The following EPS8 variants were observed in gnomAD, a reference collection of about 807,000 sequenced individuals.
EPS8 encodes epidermal growth factor receptor kinase substrate 8.
Under a neutral mutation model 103.8 loss-of-function variants are expected in EPS8, and 42 were observed. The ratio of observed to expected loss-of-function variants is 0.40; its 90% CI spans 0.32 to 0.52. The LOEUF is 0.52. Among genes scored for constraint, EPS8 ranks in the 20% least tolerant of loss-of-function variants. The pLI, the probability that EPS8 is intolerant of heterozygous loss-of-function variation, is 0.40. For synonymous variants in EPS8, 344 were observed against 344.6 expected, an observed-to-expected ratio of 1.00 and a Z score of 0.02; for missense variants, 969 against 1,005.1, an observed-to-expected ratio of 0.96 and a Z score of 0.49.
In EPS8 at chr12:15,733,583, A is replaced by G. The variant is rs765619716; in HGVS notation, c.-21-50611T>C. Among the ~76,000 whole-genome samples, 102 of 152,170 alleles carry G rather than the reference A, an allele frequency of 6.7e-4. 1 individual carries two copies. Among genetic ancestry groups the G allele is most frequent in the Admixed American group, 5.8e-3 (88 of 15,284 alleles). On this transcript the variant is annotated intron_variant, in intron 1 of 20. Transcript: ENST00000281172. This position sits in a 1 kb window ranked among gnomAD's most constrained non-coding sequence, Gnocchi z 4.8. ...AAAGAATAAAAGGACATGTGAAAAC[A>G]CCTCAGCCCAGAGATAAGAGGACCA...
rs866371476 is a variant in EPS8 at position 15,781,862 on chromosome 12, T to C, written c.-22+7299A>G. The C allele has an allele frequency of 6.6e-6, 1 of 152,224 alleles. No homozygotes were observed. Among genetic ancestry groups the C allele is most frequent in the South Asian group, 2.1e-4 (1 of 4,828 alleles). 9.4% of individuals were successfully genotyped at this position (152,224 alleles called of 1,614,324 possible). On this transcript the variant is annotated intron_variant, in intron 1 of 20. Coordinates refer to ENST00000281172, the MANE Select transcript of EPS8 (RefSeq NM_004447.6). This position sits in a 1 kb window ranked among gnomAD's most constrained non-coding sequence, Gnocchi z 4.1. ...CACAGGGCAAGGGGGCTGAGTGTGC[T>C]CATGTGCTCACTCAAGTCTCTCTTC...
intron 1 of EPS8, among the ~76,000 whole-genome samples, chr12:15,768,429 C>CAAAAAAA (rs71042268): frequency 4.0e-5 from 1 of 24,836 alleles, no homozygotes; most frequent in Non-Finnish European, 7.1e-5. Context: ...GACTCCATCT[C>CAAAAAAA]AAAAAAAAAA....
rs1004136657 is a variant in EPS8, at chr12:15,688,958, C to T, written c.-21-5986G>A. On this transcript the variant is annotated intron_variant, in intron 1 of 20. Coordinates refer to ENST00000281172, the MANE Select transcript of EPS8 (RefSeq NM_004447.6). The surrounding 1 kb of genome is among the most constrained non-coding windows in gnomAD (Gnocchi z 5.1). ...AGACACTGCTGTGGGATTGGAACCT[C>T]ACAGCCTGCCAGTCTGCATGCTCCC... 6.6e-6 allele frequency among the ~76,000 whole-genome samples: 1 copy of T among 152,182 alleles called. No homozygotes were observed. The highest frequency in any genetic ancestry group is 1.5e-5 in the Non-Finnish European group (1 of 68,034).
chr12:15,734,921 A>G lies in EPS8; in HGVS notation c.-21-51949T>C, dbSNP rs1169493521. ...CAGGGCCAACTGCCATATCATTTCC[A>G]TTTTAAAAATAAGCAAACTGACACA... On this transcript the variant is annotated intron_variant, in intron 1 of 20. Coordinates refer to ENST00000281172, the MANE Select transcript of EPS8 (RefSeq NM_004447.6). This position sits in a 1 kb window ranked among gnomAD's most constrained non-coding sequence, Gnocchi z 4.1. Among the ~76,000 whole-genome samples, 2 of 152,138 alleles carry G rather than the reference A, an allele frequency of 1.3e-5. No homozygotes were observed. The highest frequency in any genetic ancestry group is 2.9e-5 in the Non-Finnish European group (2 of 68,014).
At position 15,751,735 on chromosome 12, in the gene EPS8, CTCCCTCCTCTATACTT is replaced by C. The variant is rs1220681942; in HGVS notation, c.-22+37410_-22+37425del. 6.6e-6 allele frequency among the ~76,000 whole-genome samples: 1 copy of C among 152,102 alleles called. No homozygotes were observed. Among genetic ancestry groups the C allele is most frequent in the Non-Finnish European group, 1.5e-5 (1 of 68,038 alleles). On this transcript the variant is annotated intron_variant, in intron 1 of 20. Coordinates refer to ENST00000281172, the MANE Select transcript of EPS8 (RefSeq NM_004447.6). This position sits in a 1 kb window ranked among gnomAD's most constrained non-coding sequence, Gnocchi z 4.3. ...TTCATGCCATTTCGCTCTCTCCTCCCTCCCTCCTCTATACTTTCCCTCCTCCTTAGTATCCTTCTTA... is the reference window on the plus strand; with the variant it reads ...TTCATGCCATTTCGCTCTCTCCTCCCTCCCTCCTCCTTAGTATCCTTCTTA...
intron 13 of EPS8, among the ~76,000 whole-genome samples, chr12:15,652,124 A>G (rs960323627): frequency 6.6e-6 from 1 of 152,198 alleles, no homozygotes; most frequent in Non-Finnish European, 1.5e-5. Context: ...ACAATGGAAT[A>G]TTATTCAGCC....
At chr12:15,666,589 C>A (rs1051114766) in intron 6 of EPS8, 67 bp from the exon 7 acceptor site, 90 of 1,103,464 alleles carry the variant, frequency 8.2e-5, no homozygotes, top group Admixed American at 1.1e-4. Context: ...TAGTTTAAAA[C>A]AGAAAAAGGG....
At chr12:15,622,189 TC>T (rs1349817877) in intron 20 of EPS8, among the ~76,000 whole-genome samples, 3 of 152,154 alleles carry the variant, frequency 2.0e-5, no homozygotes, top group Admixed American at 1.3e-4. Flanking sequence ...AATTATATAC[TC>T]TCAACAAAAT....
chr12:15,752,797 T>G lies in EPS8; in HGVS notation c.-22+36364A>C, dbSNP rs1041163702. Among the ~76,000 whole-genome samples the G allele has an allele frequency of 3.3e-5, 5 of 152,044 alleles. No individual in the cohort carries two copies. Among genetic ancestry groups the G allele is most frequent in the Admixed American group, 1.3e-4 (2 of 15,258 alleles). On this transcript the variant is annotated intron_variant, in intron 1 of 20. Coordinates refer to ENST00000281172, the MANE Select transcript of EPS8 (RefSeq NM_004447.6). The surrounding 1 kb of genome is among the most constrained non-coding windows in gnomAD (Gnocchi z 4.4). ...TAATAACAGTAATAATTGTAATGCC[T>G]CTTTATATTTATCAGTCACATAACA...
chr12:15,671,424 T>C (rs1945815975), intron 3 of EPS8, among the ~76,000 whole-genome samples: 1 of 152,106 alleles, frequency 6.6e-6, no homozygotes, highest in Non-Finnish European at 1.5e-5. Context: ...TAGAGGAGAT[T>C]TAAAACATGA....
At chr12:15,788,434 G>C (rs7976944) in intron 1 of EPS8, among the ~76,000 whole-genome samples, 77,543 of 152,100 alleles carry the variant, frequency 0.51, 24,087 homozygotes, top group East Asian at 0.81. Flanking sequence ...AACACTGCCG[G>C]AGAACGGTCG....
At chr12:15,649,586 G>A (rs534697910) in intron 14 of EPS8, among the ~76,000 whole-genome samples, 1 of 151,972 alleles carries the variant, frequency 6.6e-6, no homozygotes, top group Middle Eastern at 3.4e-3. Flanking sequence ...AGACAGGCAT[G>A]GAATCCACCT....
chr12:15,631,810 T>A, intron 17 of EPS8, 146 bp from the exon 18 acceptor site: 1 of 605,222 alleles, frequency 1.7e-6, no homozygotes, highest in Non-Finnish European at 2.9e-6. Flanking sequence ...CTATATGGTA[T>A]AATGACCATT....
In EPS8 at chr12:15,697,788, G is replaced by A. The variant is rs7137230; in HGVS notation, c.-21-14816C>T. 9.3e-3 allele frequency among the ~76,000 whole-genome samples: 1,415 copies of A among 152,180 alleles called. 19 individuals carry two copies. The highest frequency in any genetic ancestry group is 0.033 in the African/African-American group (1,369 of 41,514). ...TTTACTGATAAGTAAGAAAAAAAGG[G>A]AACTGGATTCTGAAAGTTTAGGGAG... On this transcript the variant is annotated intron_variant, in intron 1 of 20. Coordinates refer to ENST00000281172, the MANE Select transcript of EPS8 (RefSeq NM_004447.6). This position sits in a 1 kb window ranked among gnomAD's most constrained non-coding sequence, Gnocchi z 5.6.
chr12:15,662,215 C>A, intron 8 of EPS8, 116 bp from the exon 9 acceptor site: 1 of 1,533,060 alleles, frequency 6.5e-7, no homozygotes, highest in Non-Finnish European at 8.8e-7. Flanking sequence ...GGAACACCTC[C>A]ACTGGATACA....
chr12:15,662,369 A>T, intron 8 of EPS8: 5 of 1,174,434 alleles, frequency 4.3e-6, no homozygotes, highest in Non-Finnish European at 4.2e-6. Context: ...CTCTTCCCTG[A>T]GTCAGCTACC....
rs1455267698 is a variant in EPS8 at position 15,696,843 on chromosome 12, C to T, written c.-21-13871G>A. Among the ~76,000 whole-genome samples the T allele has an allele frequency of 6.6e-6, 1 of 152,030 alleles. No homozygotes were observed. Among genetic ancestry groups the T allele is most frequent in the Non-Finnish European group, 1.5e-5 (1 of 68,030 alleles). Reference sequence around the variant, plus strand: ...GAATTAAAACCAAGCAGAAACACACCACTTTATAGTGAATTAATAAGTGAA... The same window carrying T: ...GAATTAAAACCAAGCAGAAACACACTACTTTATAGTGAATTAATAAGTGAA... On this transcript the variant is annotated intron_variant, in intron 1 of 20. Transcript: ENST00000281172. The surrounding 1 kb of genome is among the most constrained non-coding windows in gnomAD (Gnocchi z 4.8).
chr12:15,712,999 A>C, intron 1 of EPS8: 2 of 985,276 alleles, frequency 2.0e-6, no homozygotes, highest in Non-Finnish European at 2.4e-6. Flanking sequence ...ATTGTACTGT[A>C]CCAAACAAAA....
At chr12:15,681,686 C>T (rs966898379) in intron 2 of EPS8, among the ~76,000 whole-genome samples, 17 of 138,522 alleles carry the variant, frequency 1.2e-4, no homozygotes, top group African/African-American at 3.5e-4. Context: ...GCCAAGATCG[C>T]GCTATTGCAC....
Sources: allele counts gnomAD v4.1 joint callset (sites outside exome capture counted in the v4.1 genomes callset), GRCh38; gene constraint gnomAD v4.1.1; non-coding constraint Gnocchi (gnomAD v3.1); transcripts MANE v1.5; gene names NCBI Gene and HGNC (gene_info 2026-07-23, HGNC 2026-07-21).